DRC11: variants seen among roughly 807,000 people sequenced by gnomAD.
DRC11 encodes dynein regulatory complex subunit 11, also known as IQ and AAA domain-containing protein 1.
At chr2:236,447,905 T>C in the DRC11 span, among the ~76,000 whole-genome samples, 1 of 151,996 alleles carries the variant, frequency 6.6e-6, no homozygotes, top group East Asian at 1.9e-4. The surrounding 1 kb of genome is among the most constrained non-coding windows in gnomAD (Gnocchi z 4.6). Context: ...GGAGGGTGGA[T>C]TCAGGAATGA....
chr2:236,439,364 A>G, the DRC11 span, among the ~76,000 whole-genome samples: 1 of 152,242 alleles, frequency 6.6e-6, no homozygotes, highest in Non-Finnish European at 1.5e-5. Context: ...GGATATTTCC[A>G]TGCATTCATT....
At chr2:236,472,099 T>C in the DRC11 span, among the ~76,000 whole-genome samples, 1 of 152,154 alleles carries the variant, frequency 6.6e-6, no homozygotes, top group African/African-American at 2.4e-5. The surrounding 1 kb of genome is among the most constrained non-coding windows in gnomAD (Gnocchi z 4.6). Flanking sequence ...GAAAAGAAAA[T>C]GGTGACTTTT....
At chr2:236,409,263 C>T in the DRC11 span, among the ~76,000 whole-genome samples, 4 of 152,198 alleles carry the variant, frequency 2.6e-5, no homozygotes, top group African/African-American at 9.6e-5. Flanking sequence ...CACCATCATG[C>T]CTGGCTAATT....
chr2:236,397,109 A>C, the DRC11 span, among the ~76,000 whole-genome samples: 1 of 152,228 alleles, frequency 6.6e-6, no homozygotes, highest in African/African-American at 2.4e-5. The surrounding 1 kb of genome is among the most constrained non-coding windows in gnomAD (Gnocchi z 5.0). Context: ...GAGGAAGCGC[A>C]GTGGCCACAG....
chr2:236,491,228 T>C, the DRC11 span, among the ~76,000 whole-genome samples: 612 of 62,850 alleles, frequency 9.7e-3, 49 homozygotes, highest in Non-Finnish European at 0.017. Context: ...AGTATATATA[T>C]ATATATATAT....
At chr2:236,384,964 TA>T in the DRC11 span, among the ~76,000 whole-genome samples, 1 of 152,078 alleles carries the variant, frequency 6.6e-6, no homozygotes, top group African/African-American at 2.4e-5. Flanking sequence ...AAAGATCAGA[TA>T]GTTGTAGATA....
At chr2:236,496,456 G>A in the DRC11 span, among the ~76,000 whole-genome samples, 7 of 152,212 alleles carry the variant, frequency 4.6e-5, no homozygotes, top group African/African-American at 1.7e-4. This position sits in a 1 kb window ranked among gnomAD's most constrained non-coding sequence, Gnocchi z 6.3. Context: ...TGACACTGAG[G>A]GGAGGTGGCC....
At chr2:236,354,266 C>T in the DRC11 span, among the ~76,000 whole-genome samples, 5 of 150,378 alleles carry the variant, frequency 3.3e-5, no homozygotes, top group South Asian at 4.2e-4. Context: ...CACATGTGTG[C>T]GTGTGTGTGT....
the DRC11 span, among the ~76,000 whole-genome samples, chr2:236,383,124 CTTTA>C: frequency 1.3e-5 from 2 of 152,012 alleles, no homozygotes; most frequent in African/African-American, 4.8e-5. Flanking sequence ...GATCTAACGT[CTTTA>C]TTTGTTATTG....
At chr2:236,446,526 C>T in the DRC11 span, among the ~76,000 whole-genome samples, 1 of 152,176 alleles carries the variant, frequency 6.6e-6, no homozygotes, top group Non-Finnish European at 1.5e-5. The surrounding 1 kb of genome is among the most constrained non-coding windows in gnomAD (Gnocchi z 6.2). Flanking sequence ...TCCTCTGAGC[C>T]GCCCTCTTGC....
the DRC11 span, among the ~76,000 whole-genome samples, chr2:236,358,364 A>ATG: frequency 6.4e-4 from 83 of 130,466 alleles, no homozygotes; most frequent in Non-Finnish European, 9.9e-4. Flanking sequence ...ATGAATATAT[A>ATG]ATATATAGAT....
chr2:236,381,392 T>C, the DRC11 span, among the ~76,000 whole-genome samples: 1 of 151,614 alleles, frequency 6.6e-6, no homozygotes, highest in South Asian at 2.1e-4. This position sits in a 1 kb window ranked among gnomAD's most constrained non-coding sequence, Gnocchi z 5.8. Context: ...CTATGAGCTA[T>C]TAATTTCTGT....
the DRC11 span, among the ~76,000 whole-genome samples, chr2:236,337,493 G>A: frequency 3.9e-5 from 6 of 152,282 alleles, no homozygotes; most frequent in South Asian, 2.1e-4. The surrounding 1 kb of genome is among the most constrained non-coding windows in gnomAD (Gnocchi z 4.9). Flanking sequence ...GCCCTGTGGC[G>A]TGAACCGTTC....
At chr2:236,367,944 A>C in the DRC11 span, 1 of 519,708 alleles carries the variant, frequency 1.9e-6, no homozygotes, top group South Asian at 2.0e-5. The surrounding 1 kb of genome is among the most constrained non-coding windows in gnomAD (Gnocchi z 4.8). Flanking sequence ...TCCCCAGCTC[A>C]TTGCCTGTAT....
chr2:236,356,748 CT>C, the DRC11 span, among the ~76,000 whole-genome samples: 1 of 151,912 alleles, frequency 6.6e-6, no homozygotes, highest in Admixed American at 6.6e-5. Context: ...CCCTGGTTTA[CT>C]ATTATACAGA....
chr2:236,490,403 T>G, the DRC11 span, among the ~76,000 whole-genome samples: 2 of 152,202 alleles, frequency 1.3e-5, no homozygotes, highest in East Asian at 3.8e-4. The surrounding 1 kb of genome is among the most constrained non-coding windows in gnomAD (Gnocchi z 5.5). Context: ...TATGATTGCT[T>G]ATGAGGAAGC....
chr2:236,496,362 C>T, the DRC11 span, among the ~76,000 whole-genome samples: 3 of 152,154 alleles, frequency 2.0e-5, no homozygotes, highest in African/African-American at 4.8e-5. This position sits in a 1 kb window ranked among gnomAD's most constrained non-coding sequence, Gnocchi z 6.3. Flanking sequence ...GTGAAACCCT[C>T]ATGTAGAAAA....
At chr2:236,341,445 TGGA>T in the DRC11 span, among the ~76,000 whole-genome samples, 1 of 151,666 alleles carries the variant, frequency 6.6e-6, no homozygotes, top group Non-Finnish European at 1.5e-5. Flanking sequence ...GGGGTTGGAG[TGGA>T]GGTACTTGGA....
the DRC11 span, among the ~76,000 whole-genome samples, chr2:236,337,630 T>A: frequency 1.3e-5 from 2 of 152,220 alleles, no homozygotes; most frequent in Admixed American, 6.5e-5. The surrounding 1 kb of genome is among the most constrained non-coding windows in gnomAD (Gnocchi z 4.9). Context: ...AGGCTCCTCC[T>A]CGCTCCACTG....
Sources: allele counts gnomAD v4.1 joint callset (sites outside exome capture counted in the v4.1 genomes callset), GRCh38; gene constraint gnomAD v4.1.1; non-coding constraint Gnocchi (gnomAD v3.1); transcripts MANE v1.5; gene names NCBI Gene and HGNC (gene_info 2026-07-23, HGNC 2026-07-21).